Variants in HYDIN observed in about 807,000 individuals in gnomAD.
The protein encoded by HYDIN is axonemal central pair apparatus protein HYDIN.
A neutral mutation model predicts 403.9 loss-of-function variants in HYDIN; 132 were observed. That is an observed-to-expected ratio of 0.33 (90% CI 0.28 to 0.38). The LOEUF (loss-of-function observed/expected upper bound fraction) is 0.38, where lower values mean the gene tolerates loss of function less well. HYDIN is among the 10% of genes least tolerant of loss of function. The pLI is 1.00. For missense variants in HYDIN, 2,827 were observed against 5,009.5 expected (o/e 0.56, Z 13.15); for synonymous variants, 1,202 against 1,891.7 (o/e 0.64, Z 9.46).
At chr16:71,074,707 CAAAAAA>C (rs59315287) in intron 13 of HYDIN, among the ~76,000 whole-genome samples, 1 of 86,244 alleles carries the variant, frequency 1.2e-5, no homozygotes, top group African/African-American at 4.5e-5. Context: ...CAAAAAACAC[CAAAAAA>C]AAAAAAAAAA....
intron 20 of HYDIN, 198 bp downstream of exon 20, chr16:71,027,404 C>T: frequency 6.9e-7 from 1 of 1,459,602 alleles, no homozygotes; most frequent in South Asian, 1.4e-5. Context: ...TTCACAGTAG[C>T]TACAGAAACA....
At position 71,069,415 on chromosome 16, in the gene HYDIN, C is replaced by T; in HGVS notation, c.1826G>A (p.Gly609Asp). The change falls in exon 14 of 86, where the codon GGC becomes GAC. Residue 609 changes from glycine (G) to aspartate (D), a missense_variant. Coordinates refer to ENST00000393567, the MANE Select transcript of HYDIN (RefSeq NM_001270974.2). Reference sequence around the variant, plus strand: ...CTCACAATATGAAATGCTTTTATGGCCAAGGCCATCCCCAGGGATACGCAG... The same window carrying T: ...CTCACAATATGAAATGCTTTTATGGTCAAGGCCATCCCCAGGGATACGCAG... ...YKLRIPGDGLGHKSISYCEQH... is the reference protein window; with the variant it reads ...YKLRIPGDGLDHKSISYCEQH... The T allele has an allele frequency of 1.2e-6, 2 of 1,614,112 alleles. No homozygotes were observed.
rs531506145 is a variant in HYDIN, at chr16:70,898,995, T to A, written c.9048+2009A>T. On this transcript the variant is annotated intron_variant, in intron 53 of 85. Transcript: ENST00000393567. ...CATGTTGGCCAGGGTGGTCTTGAAC[T>A]CCTGACCTCAAGTGATCTACCCACC... Among the ~76,000 whole-genome samples the A allele has an allele frequency of 5.3e-3, 802 of 152,250 alleles. 1 individual carries two copies. The highest frequency in any genetic ancestry group is 8.3e-3 in the Non-Finnish European group (564 of 68,016).
chr16:70,848,212 T>C (rs1318161031), intron 75 of HYDIN, among the ~76,000 whole-genome samples: 4 of 143,556 alleles, frequency 2.8e-5, no homozygotes, highest in African/African-American at 1.0e-4. Context: ...CTCTATTTGG[T>C]GAGACATTGT....
At chr16:71,176,126 A>ATGTGTTAGAG (rs1163015985) in intron 4 of HYDIN, among the ~76,000 whole-genome samples, 16,284 of 151,904 alleles carry the variant, frequency 0.11, 3,001 homozygotes, top group African/African-American at 0.37. Flanking sequence ...TAATACAGTG[A>ATGTGTTAGAG]AACCTCATCT....
chr16:70,834,121 T>C lies in HYDIN; in HGVS notation c.13445A>G (p.Lys4482Arg). ...APFHNITLKP[K>R]EVCKLEVIFA... ...GATGACTTCCAGTTTACAGACTTCT[T>C]TGGGCTTCAGTGTGATGTTGTGGAA... Residue 4482 changes from lysine to arginine, a missense_variant, in exon 79 of 86, where the codon AAA becomes AGA. Physicochemically the swap from Lys to Arg is conservative, Grantham distance 26. Coordinates refer to ENST00000393567, the MANE Select transcript of HYDIN (RefSeq NM_001270974.2). The C allele has an allele frequency of 7.4e-6, 12 of 1,613,562 alleles. No individual in the cohort carries two copies. Among genetic ancestry groups the C allele is most frequent in the Non-Finnish European group, 1.0e-5 (12 of 1,179,768 alleles).
intron 18 of HYDIN, among the ~76,000 whole-genome samples, chr16:71,049,640 C>T (rs1457249527): frequency 6.6e-6 from 1 of 151,836 alleles, no homozygotes; most frequent in African/African-American, 2.4e-5. Flanking sequence ...TGAATTCATT[C>T]TGGAACAATC....
intron 28 of HYDIN, 72 bp downstream of exon 28, chr16:70,985,113 G>A: frequency 7.9e-7 from 1 of 1,273,758 alleles, no homozygotes; most frequent in Non-Finnish European, 1.1e-6. Context: ...TGTAATCCTG[G>A]TCGTGAATAC....
intron 79 of HYDIN, 141 bp downstream of exon 79, chr16:70,833,746 T>TA (rs1452214667): frequency 1.6e-6 from 1 of 607,500 alleles, no homozygotes; most frequent in African/African-American, 2.0e-5. Context: ...GCCACTGCTG[T>TA]CACATCTTGA....
At chr16:71,006,907 T>C (rs2079905305) in intron 23 of HYDIN, among the ~76,000 whole-genome samples, 1 of 152,072 alleles carries the variant, frequency 6.6e-6, no homozygotes, top group Non-Finnish European at 1.5e-5. Flanking sequence ...GAACCTCTTG[T>C]TTCCTCATTC....
At chr16:71,058,578 A>G (rs1298702703) in intron 18 of HYDIN, among the ~76,000 whole-genome samples, 14 of 143,044 alleles carry the variant, frequency 9.8e-5, no homozygotes, top group Admixed American at 2.8e-4. Context: ...ATGTACCCTA[A>G]AACTTAAAGT....
At position 70,818,374 on chromosome 16, in the gene HYDIN, G is replaced by A. The variant is rs2035987024; in HGVS notation, c.14626C>T (p.Pro4876Ser). Residue 4876 changes from proline to serine, a missense_variant, in exon 84 of 86, where the codon CCC becomes TCC. Physicochemically the swap from Pro to Ser is moderately conservative, Grantham distance 74. Coordinates refer to ENST00000393567, the MANE Select transcript of HYDIN (RefSeq NM_001270974.2). Reference sequence around the variant, plus strand: ...TTGGCAGGCACCACAAACTGGGAGGGCAGGGCGATGTCGGGCATCCGGCAT... The same window carrying A: ...TTGGCAGGCACCACAAACTGGGAGGACAGGGCGATGTCGGGCATCCGGCAT... The part of the protein sequence containing the change: ...TECRMPDIAL[P>S]SQFVVPANSE... 1 of 1,613,514 alleles carries A rather than the reference G, an allele frequency of 6.2e-7. No homozygotes were observed. The highest frequency in any genetic ancestry group is 1.3e-5 in the African/African-American group (1 of 74,916).
In HYDIN at chr16:71,175,676, A is replaced by G; in HGVS notation, c.447T>C (p.Asp149=). The part of the protein sequence containing the change: ...SPYFKVISPK[D]IGHKVAPGVP... ...CTCCAGGAGCCACTTTGTGGCCAAT[A>G]TCTTTGGGGCTGATTACTTTAAAGT... is the stretch of plus-strand genomic sequence containing the variant. Residue 149 remains aspartate, a synonymous_variant, in exon 5 of 86, where the codon GAT becomes GAC. Transcript: ENST00000393567. 6.2e-7 allele frequency: 1 copy of G among 1,614,126 alleles called. No individual in the cohort carries two copies.
chr16:71,181,391 G>C (rs1374332166), intron 3 of HYDIN, among the ~76,000 whole-genome samples: 1 of 151,890 alleles, frequency 6.6e-6, no homozygotes, highest in Non-Finnish European at 1.5e-5. Context: ...ATGATAATGA[G>C]ATATTAGCAC....
rs565401563 is a variant in HYDIN at position 71,138,009 on chromosome 16, T to A, written c.842-657A>T. Among the ~76,000 whole-genome samples, 164 of 151,732 alleles carry A rather than the reference T, an allele frequency of 1.1e-3. No homozygotes were observed. In the Middle Eastern group the frequency reaches 0.014, roughly 13 times the overall value. On this transcript the variant is annotated intron_variant, in intron 7 of 85. Coordinates refer to ENST00000393567, the MANE Select transcript of HYDIN (RefSeq NM_001270974.2). ...GAAGACAAAAATTGTATTAAAAATT[T>A]AAAAATTTTAAATATTAGGAATATC... is the stretch of plus-strand genomic sequence containing the variant.
rs1296984387 is a variant in HYDIN, at chr16:71,230,649, G to C, written c.-111C>G. The C allele has an allele frequency of 6.5e-7, 1 of 1,535,958 alleles. No individual in the cohort carries two copies. The highest frequency in any genetic ancestry group is 1.2e-5 in the South Asian group (1 of 84,042). ...ACTCACAGACCCCGCCGCCGCTGAGGGGCTCCATACCCAGCTTGAAGCCGC... is the reference window on the plus strand; with the variant it reads ...ACTCACAGACCCCGCCGCCGCTGAGCGGCTCCATACCCAGCTTGAAGCCGC... On this transcript the variant is annotated 5_prime_UTR_variant, in exon 1 of 86. Coordinates refer to ENST00000393567, the MANE Select transcript of HYDIN (RefSeq NM_001270974.2).
chr16:71,034,402 G>GT (rs1408948818), intron 18 of HYDIN, among the ~76,000 whole-genome samples: 1 of 152,130 alleles, frequency 6.6e-6, no homozygotes, highest in African/African-American at 2.4e-5. Context: ...GAAAGCAAGA[G>GT]TTAGAGATTT....
chr16:71,004,547 C>G (rs1240177602), intron 23 of HYDIN, among the ~76,000 whole-genome samples: 1 of 151,902 alleles, frequency 6.6e-6, no homozygotes, highest in African/African-American at 2.4e-5. Context: ...GTTAAACCAA[C>G]CTTGCATTCC....
intron 5 of HYDIN, 93 bp downstream of exon 5, chr16:71,175,514 A>G: frequency 7.9e-7 from 1 of 1,257,932 alleles, no homozygotes; most frequent in Non-Finnish European, 1.1e-6. Context: ...CACCACCACC[A>G]CCACCACCAG....
Sources: allele counts gnomAD v4.1 joint callset (sites outside exome capture counted in the v4.1 genomes callset), GRCh38; gene constraint gnomAD v4.1.1; transcripts MANE v1.5; gene names NCBI Gene and HGNC (gene_info 2026-07-23, HGNC 2026-07-21).